The following ZNRF3 variants were observed in gnomAD, a reference collection of about 807,000 sequenced individuals.
ZNRF3 encodes the protein zinc and ring finger 3, also known as E3 ubiquitin-protein ligase ZNRF3.
ZNRF3 carries 23 observed loss-of-function variants against 72.5 expected under a neutral mutation model. The ratio of observed to expected loss-of-function variants is 0.32; its 90% CI spans 0.23 to 0.45. The LOEUF (loss-of-function observed/expected upper bound fraction) is 0.45, where lower values mean the gene tolerates loss of function less well. ZNRF3 is among the 20% of genes least tolerant of loss of function. The pLI, the probability that ZNRF3 is intolerant of heterozygous loss-of-function variation, is 1.00. For synonymous variants in ZNRF3, 610 were observed against 545.3 expected (o/e 1.12, Z -1.65); for missense variants, 1,169 against 1,272.1 (o/e 0.92, Z 1.23).
intron 1 of ZNRF3, among the ~76,000 whole-genome samples, chr22:28,961,402 G>C (rs538016607): frequency 2.0e-5 from 3 of 152,174 alleles, no homozygotes; most frequent in Non-Finnish European, 4.4e-5. Context: ...TGTGATAGTT[G>C]AGCTTAAAGT....
chr22:28,984,045 A>T (rs2035811258), intron 1 of ZNRF3, among the ~76,000 whole-genome samples: 1 of 151,890 alleles, frequency 6.6e-6, no homozygotes, highest in South Asian at 2.1e-4. Context: ...TCACTGTGGG[A>T]TCCCCGTGTT....
chr22:29,009,161 C>G (rs985381914), intron 2 of ZNRF3, among the ~76,000 whole-genome samples: 2 of 152,012 alleles, frequency 1.3e-5, no homozygotes, highest in African/African-American at 4.8e-5. Context: ...TCTTTCTGGA[C>G]CAATAGTCTG....
intron 1 of ZNRF3, among the ~76,000 whole-genome samples, chr22:28,925,436 A>G (rs1052157419): frequency 4.6e-5 from 7 of 152,070 alleles, no homozygotes; most frequent in African/African-American, 1.7e-4. Context: ...CCCCTTCTCT[A>G]ACCCCATGAT....
At chr22:29,039,372 G>A (rs2036918593) in intron 2 of ZNRF3, among the ~76,000 whole-genome samples, 1 of 152,162 alleles carries the variant, frequency 6.6e-6, no homozygotes. Flanking sequence ...AAGCGCACAG[G>A]TACCGCGCTC....
chr22:28,989,796 CT>C (rs1262253228), intron 2 of ZNRF3, among the ~76,000 whole-genome samples: 1 of 152,198 alleles, frequency 6.6e-6, no homozygotes, highest in Non-Finnish European at 1.5e-5. Context: ...CCCTCTTCAC[CT>C]ACCCGCGTAC....
Position 29,049,151 on chromosome 22 carries a change from C to A in ZNRF3, c.1016-46C>A. 6.6e-7 allele frequency: 1 copy of A among 1,519,452 alleles called. No individual in the cohort carries two copies. The highest frequency in any genetic ancestry group is 8.9e-7 in the Non-Finnish European group (1 of 1,127,264). The allele number at this position is 1,519,452 out of a possible 1,614,324, so 94.1% of individuals were successfully genotyped here. ...TAAAAATCCCTTTAGCCTCTGACAC[C>A]AGTATGCTCAGCCCTGCCTACTCTG... On this transcript the variant is annotated intron_variant, in intron 7 of 8. Transcript: ENST00000544604. This position sits in a 1 kb window ranked among gnomAD's most constrained non-coding sequence, Gnocchi z 5.2.
intron 5 of ZNRF3, among the ~76,000 whole-genome samples, chr22:29,046,460 A>C (rs1170194713): frequency 6.6e-6 from 1 of 152,176 alleles, no homozygotes; most frequent in Non-Finnish European, 1.5e-5. Context: ...TAATTGGAGG[A>C]GACCCCTGCC....
chr22:28,942,800 T>G (rs866315414), intron 1 of ZNRF3, among the ~76,000 whole-genome samples: 3 of 152,348 alleles, frequency 2.0e-5, no homozygotes, highest in Middle Eastern at 3.4e-3. Context: ...CAGATTCCCC[T>G]ATTTAGATTC....
At chr22:28,912,336 T>A (rs1197533241) in intron 1 of ZNRF3, among the ~76,000 whole-genome samples, 1 of 152,248 alleles carries the variant, frequency 6.6e-6, no homozygotes, top group Non-Finnish European at 1.5e-5. Flanking sequence ...GTTTTCATCT[T>A]AACCCGGCTT....
chr22:28,997,258 G>A lies in ZNRF3; in HGVS notation c.426+10057G>A, dbSNP rs139705117. 7.6e-3 allele frequency among the ~76,000 whole-genome samples: 1,150 copies of A among 152,270 alleles called. 20 individuals carry two copies. Among genetic ancestry groups the A allele is most frequent in the African/African-American group, 0.027 (1,110 of 41,554 alleles). On this transcript the variant is annotated intron_variant, in intron 2 of 8. Transcript: ENST00000544604. ...TATTGCTTATTGCCATGGCATCCCT[G>A]GAAGCACGCTGCAACTATTTGGGAC... is the stretch of plus-strand genomic sequence containing the variant.
At chr22:28,948,915 A>G (rs1180578309) in intron 1 of ZNRF3, among the ~76,000 whole-genome samples, 1 of 152,208 alleles carries the variant, frequency 6.6e-6, no homozygotes, top group Non-Finnish European at 1.5e-5. Flanking sequence ...TGATTCACTT[A>G]GTCATGTAGC....
intron 1 of ZNRF3, chr22:28,986,536 T>G (rs1246965318): frequency 2.4e-6 from 2 of 843,350 alleles, no homozygotes; most frequent in African/African-American, 1.8e-5. Context: ...GAATTTTATC[T>G]GTTTCCCAGT....
At chr22:28,978,010 C>T (rs779102711) in intron 1 of ZNRF3, among the ~76,000 whole-genome samples, 1 of 152,224 alleles carries the variant, frequency 6.6e-6, no homozygotes, top group Non-Finnish European at 1.5e-5. Flanking sequence ...CCCCTAGCTT[C>T]TTTGTCCATT....
At chr22:29,031,545 C>A in intron 2 of ZNRF3, 1 of 979,956 alleles carries the variant, frequency 1.0e-6, no homozygotes, top group Non-Finnish European at 1.2e-6. Flanking sequence ...CAGAGAACAG[C>A]AGCTGACCAG....
At chr22:28,983,026 G>GT (rs1341076862) in intron 1 of ZNRF3, among the ~76,000 whole-genome samples, 1 of 152,184 alleles carries the variant, frequency 6.6e-6, no homozygotes, top group East Asian at 1.9e-4. Flanking sequence ...GGATGGTGAG[G>GT]TAAGTTTTCT....
At position 29,050,050 on chromosome 22, in the gene ZNRF3, C is replaced by T. The variant is rs1263525657; in HGVS notation, c.1869C>T (p.Cys623=). Residue 623 remains cysteine (C), a synonymous_variant, in exon 8 of 9, where the codon TGC becomes TGT. Coordinates refer to ENST00000544604, the MANE Select transcript of ZNRF3 (RefSeq NM_001206998.2). ...GCTCGGGCCGGGGACCTGCCCTGTGCTTCGAGGGCTCCCCGCCTCCCGAGG... is the reference window on the plus strand; with the variant it reads ...GCTCGGGCCGGGGACCTGCCCTGTGTTTCGAGGGCTCCCCGCCTCCCGAGG... The part of the protein sequence containing the change: ...SGSSGRGPAL[C]FEGSPPPEEL... 4 of 1,607,816 alleles carry T rather than the reference C, an allele frequency of 2.5e-6. No homozygotes were observed. Among genetic ancestry groups the T allele is most frequent in the African/African-American group, 2.7e-5 (2 of 74,848 alleles).
chr22:29,042,031 G>T (rs1313327089), intron 2 of ZNRF3, among the ~76,000 whole-genome samples: 5 of 152,082 alleles, frequency 3.3e-5, no homozygotes, highest in Non-Finnish European at 5.9e-5. Flanking sequence ...ACAAAAGTTT[G>T]TTAAGTTATC....
At chr22:28,949,936 G>A (rs1196411205) in intron 1 of ZNRF3, among the ~76,000 whole-genome samples, 3 of 147,074 alleles carry the variant, frequency 2.0e-5, no homozygotes, top group East Asian at 4.1e-4. Flanking sequence ...TGCTTTATGC[G>A]TATTTAACCA....
chr22:28,998,667 A>C (rs1460777132), intron 2 of ZNRF3, among the ~76,000 whole-genome samples: 1 of 152,234 alleles, frequency 6.6e-6, no homozygotes, highest in Non-Finnish European at 1.5e-5. Flanking sequence ...ACACCACCTA[A>C]ATCTTCCATG....
Sources: allele counts gnomAD v4.1 joint callset (sites outside exome capture counted in the v4.1 genomes callset), GRCh38; gene constraint gnomAD v4.1.1; non-coding constraint Gnocchi (gnomAD v3.1); transcripts MANE v1.5; gene names NCBI Gene and HGNC (gene_info 2026-07-23, HGNC 2026-07-21).